NCKAP5: variants seen among roughly 807,000 people sequenced by gnomAD.
NCKAP5 encodes NCK associated protein 5.
NCKAP5 carries 92 observed loss-of-function variants against 167.0 expected under a neutral mutation model. The observed-to-expected ratio is 0.55, with a 90% CI of 0.47 to 0.66. The LOEUF is 0.66. NCKAP5 is among the 30% of genes least tolerant of loss of function. The pLI, the probability that NCKAP5 is intolerant of heterozygous loss-of-function variation, is 0.00. For synonymous variants in NCKAP5, 891 were observed against 877.4 expected (o/e 1.02, Z -0.27); for missense variants, 2,378 against 2,315.0 (o/e 1.03, Z -0.56).
At chr2:133,393,001 C>T (rs1687514565) in intron 3 of NCKAP5, among the ~76,000 whole-genome samples, 2 of 152,184 alleles carry the variant, frequency 1.3e-5, no homozygotes. Context: ...AGAGTCCTCT[C>T]AGTACAGAAG....
intron 19 of NCKAP5, among the ~76,000 whole-genome samples, chr2:132,709,218 C>A (rs1435427974): frequency 6.6e-6 from 1 of 151,020 alleles, no homozygotes; most frequent in African/African-American, 2.4e-5. Context: ...ATTCTTGAGC[C>A]CCAAAAATAA....
chr2:132,680,501 T>C (rs975986557), intron 19 of NCKAP5, among the ~76,000 whole-genome samples: 1 of 152,078 alleles, frequency 6.6e-6, no homozygotes, highest in African/African-American at 2.4e-5. Context: ...AACTCACTTT[T>C]TGAGAAAAAG....
chr2:133,568,668 A>G (rs1688734731), upstream of NCKAP5, among the ~76,000 whole-genome samples: 1 of 152,142 alleles, frequency 6.6e-6, no homozygotes. Context: ...TTTTGAGAGG[A>G]TGGCTTCTTT....
At chr2:133,635,390 C>A in the NCKAP5 span, among the ~76,000 whole-genome samples, 13 of 152,166 alleles carry the variant, frequency 8.5e-5, no homozygotes, top group Admixed American at 7.9e-4. Context: ...AATGCATAAA[C>A]TAGTTGCTGA....
At chr2:133,102,414 T>C (rs1361211892) in intron 6 of NCKAP5, among the ~76,000 whole-genome samples, 1 of 152,178 alleles carries the variant, frequency 6.6e-6, no homozygotes, top group Non-Finnish European at 1.5e-5. Context: ...CCCCAAGTGC[T>C]GGGATTACAG....
chr2:133,157,817 C>T (rs2083629345), intron 5 of NCKAP5, among the ~76,000 whole-genome samples: 2 of 152,116 alleles, frequency 1.3e-5, no homozygotes, highest in Admixed American at 6.5e-5. Context: ...AATGGGAATG[C>T]TTGCTCAAAT....
At chr2:133,635,080 G>T in the NCKAP5 span, among the ~76,000 whole-genome samples, 3 of 152,158 alleles carry the variant, frequency 2.0e-5, no homozygotes, top group East Asian at 5.8e-4. Context: ...CACCATGTTG[G>T]CTAGGCTGGT....
At chr2:133,116,680 G>T (rs1021822781) in intron 6 of NCKAP5, among the ~76,000 whole-genome samples, 8 of 152,014 alleles carry the variant, frequency 5.3e-5, no homozygotes, top group African/African-American at 1.9e-4. Flanking sequence ...CTAAATTTTT[G>T]AGAAGCTTAA....
At chr2:132,925,576 A>G in intron 8 of NCKAP5, among the ~76,000 whole-genome samples, 1 of 151,608 alleles carries the variant, frequency 6.6e-6, no homozygotes, top group Admixed American at 6.6e-5. Flanking sequence ...AAAAAAAAAA[A>G]AAAAAAAAAT....
In NCKAP5 at chr2:133,466,659, G is replaced by A. The variant is rs549598920; in HGVS notation, c.69+50799C>T. Among the ~76,000 whole-genome samples, 1,197 of 152,082 alleles carry A rather than the reference G, an allele frequency of 7.9e-3. 24 individuals are homozygous for A. The highest frequency in any genetic ancestry group is 0.026 in the African/African-American group (1,077 of 41,450). On this transcript the variant is annotated intron_variant, in intron 3 of 19. Transcript: ENST00000409261. Reference sequence around the variant, plus strand: ...ACCCATGAGCATGGAATGTTCTTCCGTTTGTTTGTATCCTCTTTTATTTCC... The same window carrying A: ...ACCCATGAGCATGGAATGTTCTTCCATTTGTTTGTATCCTCTTTTATTTCC...
intron 4 of NCKAP5, among the ~76,000 whole-genome samples, chr2:133,257,459 T>C (rs1432123640): frequency 6.6e-6 from 1 of 152,032 alleles, no homozygotes; most frequent in Non-Finnish European, 1.5e-5. Flanking sequence ...GCATTTATAT[T>C]CATAAATATA....
intron 2 of NCKAP5, among the ~76,000 whole-genome samples, chr2:133,550,484 C>G (rs1311998574): frequency 6.7e-6 from 1 of 150,354 alleles, no homozygotes; most frequent in East Asian, 2.0e-4. Context: ...TAAACAGAGC[C>G]AAAGACAAAA....
intron 3 of NCKAP5, among the ~76,000 whole-genome samples, chr2:133,312,363 A>G (rs1256869187): frequency 6.6e-6 from 1 of 152,154 alleles, no homozygotes; most frequent in Non-Finnish European, 1.5e-5. Flanking sequence ...ACTGTTCCCT[A>G]TTAGATATTT....
At chr2:133,673,294 C>T in the NCKAP5 span, among the ~76,000 whole-genome samples, 5 of 152,206 alleles carry the variant, frequency 3.3e-5, no homozygotes, top group African/African-American at 1.2e-4. Flanking sequence ...CCATGGTACA[C>T]CTCTGATGCT....
At position 133,119,102 on chromosome 2, in the gene NCKAP5, G is replaced by A. The variant is rs567727328; in HGVS notation, c.341+10876C>T. The stretch of plus-strand genomic sequence containing the variant: ...TGCAACCTCTGCCTCCTGGGTTCAA[G>A]TGATTCTTCTCCTGCCTCGGCCTCC... On this transcript the variant is annotated intron_variant, in intron 6 of 19. Coordinates refer to ENST00000409261, the MANE Select transcript of NCKAP5 (RefSeq NM_207363.3). The A allele has an allele frequency of 5.3e-5, 8 of 152,286 alleles. No homozygotes were observed. The East Asian group carries it at 1.5e-3, about 29-fold the overall frequency. 9.4% of individuals were successfully genotyped at this position (152,286 alleles called of 1,614,324 possible). A position where few individuals can be genotyped will look rare whatever the true frequency, so the allele number is the denominator to read the frequency against.
the NCKAP5 span, among the ~76,000 whole-genome samples, chr2:133,655,175 C>G: frequency 6.6e-6 from 1 of 152,208 alleles, no homozygotes; most frequent in Non-Finnish European, 1.5e-5. Context: ...TGATTGCACT[C>G]TGCTGTGAAA....
intron 6 of NCKAP5, among the ~76,000 whole-genome samples, chr2:133,049,710 G>A (rs1240738192): frequency 6.6e-6 from 1 of 152,092 alleles, no homozygotes; most frequent in African/African-American, 2.4e-5. Context: ...GAGATTCCCA[G>A]AGATTCTCAT....
At chr2:133,589,695 C>A in the NCKAP5 span, among the ~76,000 whole-genome samples, 3 of 152,178 alleles carry the variant, frequency 2.0e-5, no homozygotes, top group Admixed American at 2.0e-4. Context: ...ATGGCCAGAG[C>A]CCCTTTATAT....
At chr2:133,059,732 A>G (rs2079930853) in intron 6 of NCKAP5, among the ~76,000 whole-genome samples, 1 of 152,128 alleles carries the variant, frequency 6.6e-6, no homozygotes, top group Non-Finnish European at 1.5e-5. Context: ...TTTAAAAGAC[A>G]TAATGCTATT....
Sources: gnomAD v4.1 joint callset for allele counts (sites outside exome capture counted in the v4.1 genomes callset) on GRCh38, gnomAD v4.1.1 for gene constraint, MANE v1.5 for transcripts, NCBI Gene and HGNC (gene_info 2026-07-23, HGNC 2026-07-21) for gene names.